The following OCLN variants were observed in gnomAD, a reference collection of about 807,000 sequenced individuals.
The protein encoded by OCLN is phosphatase 1, regulatory subunit 115.
OCLN carries 21 observed loss-of-function variants against 47.9 expected under a neutral mutation model. The observed-to-expected ratio is 0.44, with a 90% CI of 0.31 to 0.63. The LOEUF is 0.63. OCLN is among the 30% of genes least tolerant of loss of function. OCLN has a pLI of 0.08. For synonymous variants in OCLN, 117 were observed against 198.4 expected (o/e 0.59, Z 3.45); for missense variants, 360 against 571.0 (o/e 0.63, Z 3.77).
intron 4 of OCLN, among the ~76,000 whole-genome samples, chr5:69,526,326 G>A (rs1294206718): frequency 6.6e-6 from 1 of 152,180 alleles, no homozygotes; most frequent in African/African-American, 2.4e-5. Flanking sequence ...TTGGAAAATG[G>A]TGACTTAGTA....
At chr5:69,518,793 T>A (rs1769046605) in intron 4 of OCLN, among the ~76,000 whole-genome samples, 1 of 152,162 alleles carries the variant, frequency 6.6e-6, no homozygotes, top group African/African-American at 2.4e-5. Flanking sequence ...GAATTAAAAT[T>A]TGGGTTTGAT....
intron 4 of OCLN, among the ~76,000 whole-genome samples, chr5:69,524,431 T>C (rs1252609292): frequency 6.6e-6 from 1 of 152,254 alleles, no homozygotes; most frequent in Non-Finnish European, 1.5e-5. Flanking sequence ...TGCATACATG[T>C]ATAACTTAGC....
rs1769981740 is a variant in OCLN at position 69,557,735 on chromosome 5, G to A, written c.*4064G>A. 1.2e-5 allele frequency: 1 copy of A among 81,814 alleles called. No homozygotes were observed. Among genetic ancestry groups the A allele is most frequent in the African/African-American group, 2.9e-5 (1 of 34,524 alleles). The allele number at this position is 81,814 out of a possible 1,614,324, so 5.1% of individuals were successfully genotyped here. On this transcript the variant is annotated 3_prime_UTR_variant, in exon 9 of 9. Transcript: ENST00000396442. ...AATGATTTAGTTTCCCTGTAAGGGA[G>A]CCTGTCTATTGGAATAGACAGGTTC...
At chr5:69,503,709 C>T (rs549903920) in intron 1 of OCLN, among the ~76,000 whole-genome samples, 5 of 152,086 alleles carry the variant, frequency 3.3e-5, no homozygotes, top group East Asian at 3.9e-4. Flanking sequence ...TGCTCAGTTT[C>T]GAAGACTTGG....
intron 4 of OCLN, among the ~76,000 whole-genome samples, chr5:69,532,827 G>A (rs1769469996): frequency 6.6e-6 from 1 of 151,908 alleles, no homozygotes; most frequent in Non-Finnish European, 1.5e-5. Flanking sequence ...AATTAGCCGG[G>A]CATGTTGGTG....
intron 4 of OCLN, among the ~76,000 whole-genome samples, chr5:69,524,889 G>A (rs1327368333): frequency 6.6e-6 from 1 of 152,064 alleles, no homozygotes; most frequent in Non-Finnish European, 1.5e-5. Context: ...GTTTTGCCAT[G>A]TTGGCCAGGC....
chr5:69,509,741 C>A lies in OCLN; in HGVS notation c.651C>A (p.Asn217Lys). 1 of 1,614,094 alleles carries A rather than the reference C, an allele frequency of 6.2e-7. No homozygotes were observed. Among genetic ancestry groups the A allele is most frequent in the Non-Finnish European group, 8.5e-7 (1 of 1,179,994 alleles). Residue 217 changes from asparagine to lysine, a missense_variant, in exon 3 of 9, where the codon AAC (asparagine) becomes AAA (lysine). Transcript: ENST00000396442. ...LYGSQIYALCNQFYTPAATGL... is the reference protein window; with the variant it reads ...LYGSQIYALCKQFYTPAATGL... ...GTTCACAAATATATGCCCTCTGCAACCAATTTTATACACCTGCAGCTACTG... is the reference window on the plus strand; with the variant it reads ...GTTCACAAATATATGCCCTCTGCAAACAATTTTATACACCTGCAGCTACTG...
intron 1 of OCLN, among the ~76,000 whole-genome samples, chr5:69,496,604 C>G (rs1306455749): frequency 2.5e-5 from 3 of 121,978 alleles, no homozygotes; most frequent in Non-Finnish European, 4.8e-5. Flanking sequence ...CGGAGTCTTA[C>G]TCTGTTGCCC....
chr5:69,501,369 C>T (rs1215384736), intron 1 of OCLN, among the ~76,000 whole-genome samples: 1 of 152,182 alleles, frequency 6.6e-6, no homozygotes, highest in Non-Finnish European at 1.5e-5. Context: ...TTGGCTCATG[C>T]CTGTAATCCC....
Position 69,534,908 on chromosome 5 carries a change from G to A in OCLN, c.1037+69G>A, listed in dbSNP as rs770025101. On this transcript the variant is annotated intron_variant, in intron 5 of 8. Coordinates refer to ENST00000396442, the MANE Select transcript of OCLN (RefSeq NM_001205254.2). ...GAGTATTTGCATATAATTGGTTTTT[G>A]TGCCTTTCTGCTTAAAAAAAATATC... 583 of 1,554,440 alleles carry A rather than the reference G, an allele frequency of 3.8e-4. 53 individuals are homozygous for A. The highest frequency in any genetic ancestry group is 4.8e-4 in the Non-Finnish European group (551 of 1,146,780).
chr5:69,515,443 G>A, intron 4 of OCLN, among the ~76,000 whole-genome samples: 1 of 138,990 alleles, frequency 7.2e-6, no homozygotes, highest in South Asian at 2.3e-4. Context: ...CGGGGCGGCT[G>A]GCCGGGCAGA....
intron 4 of OCLN, among the ~76,000 whole-genome samples, chr5:69,519,800 G>A (rs992653808): frequency 6.6e-6 from 1 of 152,098 alleles, no homozygotes; most frequent in African/African-American, 2.4e-5. Flanking sequence ...CCTGTAGTCG[G>A]TGGAACCCAT....
At chr5:69,530,177 G>GA (rs34582817) in intron 4 of OCLN, among the ~76,000 whole-genome samples, 9 of 150,808 alleles carry the variant, frequency 6.0e-5, no homozygotes, top group South Asian at 2.1e-4. Context: ...CATCTCTTAA[G>GA]AAAAAAAAAT....
chr5:69,530,883 G>T (rs759010348), intron 4 of OCLN, among the ~76,000 whole-genome samples: 1 of 152,182 alleles, frequency 6.6e-6, no homozygotes, highest in Non-Finnish European at 1.5e-5. Context: ...TGTAGAAATA[G>T]AACAGTTATC....
rs550164774 is a variant in OCLN, at chr5:69,501,724, T to C, written c.-68-2453T>C. Among the ~76,000 whole-genome samples the C allele has an allele frequency of 3.3e-5, 5 of 152,344 alleles. No homozygotes were observed. The East Asian group carries it at 9.6e-4, about 29-fold the overall frequency. ...GTGCACTTTTCTCTATGGTATACTT[T>C]AAAAGTGGCTTTTAAAAATGTAGAA... On this transcript the variant is annotated intron_variant, in intron 1 of 8. Transcript: ENST00000396442.
intron 4 of OCLN, among the ~76,000 whole-genome samples, chr5:69,521,508 G>A (rs768353269): frequency 6.6e-6 from 1 of 152,062 alleles, no homozygotes; most frequent in Non-Finnish European, 1.5e-5. Flanking sequence ...ATGGTAGCTC[G>A]ACTCTAGTCC....
intron 3 of OCLN, among the ~76,000 whole-genome samples, chr5:69,511,746 C>T (rs936893454): frequency 2.6e-5 from 4 of 151,840 alleles, no homozygotes; most frequent in Non-Finnish European, 4.4e-5. Flanking sequence ...AGTTTTGGGC[C>T]GGGCATGGTA....
intron 2 of OCLN, among the ~76,000 whole-genome samples, chr5:69,508,019 C>G (rs1768655287): frequency 6.6e-6 from 1 of 151,970 alleles, no homozygotes; most frequent in Admixed American, 6.6e-5. Context: ...TACATTCTTT[C>G]TTCATATTAT....
chr5:69,521,074 C>A (rs1011929600), intron 4 of OCLN, among the ~76,000 whole-genome samples: 2 of 151,776 alleles, frequency 1.3e-5, no homozygotes, highest in African/African-American at 4.8e-5. Context: ...TGACCTCAGG[C>A]GATCCACCCG....
Sources: gnomAD v4.1 joint callset for allele counts (sites outside exome capture counted in the v4.1 genomes callset) on GRCh38, gnomAD v4.1.1 for gene constraint, MANE v1.5 for transcripts, NCBI Gene and HGNC (gene_info 2026-07-23, HGNC 2026-07-21) for gene names.